The following STK32B variants were observed in gnomAD, a reference collection of about 807,000 sequenced individuals.
STK32B encodes the protein serine/threonine-protein kinase 32B.
In STK32B, 43 loss-of-function variants were observed where a neutral mutation model predicts 52.6. The observed-to-expected ratio is 0.82, with a 90% CI of 0.64 to 1.05. The LOEUF (loss-of-function observed/expected upper bound fraction) is 1.05. Among genes scored for constraint, STK32B ranks in the 50% least tolerant of loss-of-function variants. The probability of loss-of-function intolerance (pLI) is 0.00; values close to 1 mark genes in which losing one functional copy is unlikely to be tolerated. For synonymous variants in STK32B, 238 were observed against 204.3 expected (o/e 1.17, Z -1.41); for missense variants, 621 against 534.6 (o/e 1.16, Z -1.59).
At chr4:5,336,711 AG>A (rs1732724670) in intron 4 of STK32B, among the ~76,000 whole-genome samples, 4 of 152,244 alleles carry the variant, frequency 2.6e-5, no homozygotes. Flanking sequence ...TACGAGACAA[AG>A]CAAAGTTAAA....
intron 3 of STK32B, among the ~76,000 whole-genome samples, chr4:5,270,138 G>C (rs571169598): frequency 6.6e-6 from 1 of 152,246 alleles, no homozygotes; most frequent in East Asian, 1.9e-4. Context: ...ATTAGTCAGG[G>C]TTCTCTAGAG....
At chr4:5,473,758 C>T (rs1048200050) in intron 11 of STK32B, among the ~76,000 whole-genome samples, 1 of 152,172 alleles carries the variant, frequency 6.6e-6, no homozygotes, top group African/African-American at 2.4e-5. Flanking sequence ...TGGCAGCAAA[C>T]CCAGCGCATT....
At chr4:5,088,870 C>G (rs1712886959) in intron 1 of STK32B, among the ~76,000 whole-genome samples, 1 of 151,526 alleles carries the variant, frequency 6.6e-6, no homozygotes, top group Non-Finnish European at 1.5e-5. Flanking sequence ...ATAACCTAAT[C>G]TTTCACTTTA....
intron 3 of STK32B, among the ~76,000 whole-genome samples, chr4:5,225,929 T>C (rs1416539417): frequency 6.6e-6 from 1 of 152,212 alleles, no homozygotes; most frequent in Non-Finnish European, 1.5e-5. Context: ...AGCTTTGGGT[T>C]CCTGTTTTTC....
intron 1 of STK32B, among the ~76,000 whole-genome samples, chr4:5,110,340 T>G (rs1445313439): frequency 1.4e-5 from 2 of 146,012 alleles, no homozygotes; most frequent in African/African-American, 5.0e-5. Context: ...TCTAGAGACA[T>G]CACATTGCTT....
intron 3 of STK32B, among the ~76,000 whole-genome samples, chr4:5,270,573 G>A (rs781632917): frequency 9.9e-5 from 15 of 152,124 alleles, no homozygotes; most frequent in Non-Finnish European, 2.1e-4. Context: ...ACCATCACAG[G>A]TGTCTACAGA....
intron 4 of STK32B, among the ~76,000 whole-genome samples, chr4:5,338,941 A>C (rs114536979): frequency 1.8e-3 from 279 of 152,316 alleles, no homozygotes; most frequent in African/African-American, 6.3e-3. Flanking sequence ...CTTCCAGAGG[A>C]GATCAGCATT....
chr4:5,136,847 C>A (rs765674863), intron 1 of STK32B, among the ~76,000 whole-genome samples: 44 of 152,214 alleles, frequency 2.9e-4, no homozygotes, highest in Middle Eastern at 3.4e-3. Flanking sequence ...CAGGGAGATG[C>A]CAAATAAATA....
intron 11 of STK32B, among the ~76,000 whole-genome samples, chr4:5,483,057 T>A (rs568451879): frequency 4.5e-4 from 69 of 152,200 alleles, no homozygotes; most frequent in Non-Finnish European, 8.1e-4. Flanking sequence ...TCTTTTTTGG[T>A]TGTGTCTCTT....
intron 3 of STK32B, among the ~76,000 whole-genome samples, chr4:5,174,046 C>T (rs2108744231): frequency 6.6e-6 from 1 of 152,202 alleles, no homozygotes; most frequent in South Asian, 2.1e-4. Context: ...ATCCCTTTAC[C>T]ATTATGTAAT....
At chr4:5,091,760 T>C (rs1380394287) in intron 1 of STK32B, among the ~76,000 whole-genome samples, 3 of 152,156 alleles carry the variant, frequency 2.0e-5, no homozygotes, top group African/African-American at 7.2e-5. Context: ...CACAAAAACA[T>C]GCAGAATTAT....
At chr4:5,173,114 T>C (rs1719527675) in intron 3 of STK32B, among the ~76,000 whole-genome samples, 1 of 152,238 alleles carries the variant, frequency 6.6e-6, no homozygotes, top group African/African-American at 2.4e-5. Context: ...TTGATAGTAT[T>C]CTCTGATAGT....
intron 1 of STK32B, among the ~76,000 whole-genome samples, chr4:5,120,307 G>A (rs374901558): frequency 3.9e-5 from 6 of 152,230 alleles, no homozygotes; most frequent in East Asian, 1.9e-4. Flanking sequence ...CAGTGCCTAC[G>A]TCATTCACTT....
chr4:5,051,662 C>G lies in STK32B; in HGVS notation c.-202C>G, dbSNP rs1741786619. 1 of 600,496 alleles carries G rather than the reference C, an allele frequency of 1.7e-6. No homozygotes were observed. Among genetic ancestry groups the G allele is most frequent in the African/African-American group, 2.0e-5 (1 of 50,212 alleles). The allele number at this position is 600,496 out of a possible 1,614,324, so 37.2% of individuals were successfully genotyped here. On this transcript the variant is annotated 5_prime_UTR_variant, in exon 1 of 12. Transcript: ENST00000282908. ...GGAAGGCGCGGCGAGAGCGGGGTCC[C>G]TGCGAGCGCAGTCGGAAGGGCGTCC...
At chr4:5,112,675 A>G (rs1193023797) in intron 1 of STK32B, among the ~76,000 whole-genome samples, 1 of 152,184 alleles carries the variant, frequency 6.6e-6, no homozygotes, top group Non-Finnish European at 1.5e-5. Flanking sequence ...TGGGCACCCC[A>G]TGTCGCAGTC....
In STK32B at chr4:5,387,633, C is replaced by T. The variant is rs565343419; in HGVS notation, c.435-10574C>T. On this transcript the variant is annotated intron_variant, in intron 4 of 11. Coordinates refer to ENST00000282908, the MANE Select transcript of STK32B (RefSeq NM_018401.3). The stretch of plus-strand genomic sequence containing the variant: ...TGGTGTATTTGAAGCATGCACAGGT[C>T]GGTCAAGCGACTCTGCCCCTAACAT... Among the ~76,000 whole-genome samples the T allele has an allele frequency of 1.7e-3, 257 of 152,174 alleles. 3 individuals are homozygous for T. The highest frequency in any genetic ancestry group is 3.5e-3 in the African/African-American group (144 of 41,528).
At chr4:5,090,797 T>C (rs1713038047) in intron 1 of STK32B, among the ~76,000 whole-genome samples, 1 of 152,200 alleles carries the variant, frequency 6.6e-6, no homozygotes, top group African/African-American at 2.4e-5. Flanking sequence ...CTTGTTTTTG[T>C]CCAGTTTGTG....
chr4:5,082,563 C>G (rs577120917), intron 1 of STK32B, among the ~76,000 whole-genome samples: 1 of 152,232 alleles, frequency 6.6e-6, no homozygotes, highest in Non-Finnish European at 1.5e-5. Context: ...CTCCTATATC[C>G]GTATCTATTG....
intron 3 of STK32B, among the ~76,000 whole-genome samples, chr4:5,180,661 C>G (rs572170048): frequency 6.6e-6 from 1 of 152,298 alleles, no homozygotes; most frequent in East Asian, 1.9e-4. Flanking sequence ...CATAAGGACA[C>G]CACCGCTTTA....
Sources: allele counts gnomAD v4.1 joint callset (sites outside exome capture counted in the v4.1 genomes callset), GRCh38; gene constraint gnomAD v4.1.1; transcripts MANE v1.5; gene names NCBI Gene and HGNC (gene_info 2026-07-23, HGNC 2026-07-21).